ZFP36L2: variants seen among roughly 807,000 people sequenced by gnomAD.
The protein encoded by ZFP36L2 is mRNA decay activator protein ZFP36L2.
In ZFP36L2, 16 loss-of-function variants were observed where a neutral mutation model predicts 27.9. The observed-to-expected ratio is 0.57, with a 90% CI of 0.39 to 0.87. ZFP36L2 has a LOEUF of 0.87. Ranked by LOEUF, ZFP36L2 falls within the 40% of genes least tolerant of loss-of-function variation. The pLI is 0.00. For synonymous variants in ZFP36L2, 600 were observed against 363.8 expected (o/e 1.65, Z -7.39); for missense variants, 989 against 726.9 (o/e 1.36, Z -4.15).
rs1376718796 is a variant in ZFP36L2 at position 43,224,748 on chromosome 2, G to A, written c.1056C>T (p.Ala352=). ...DLLAPGAPCA[A]CSSASCANNA... is the part of the protein sequence containing the mutation. ...TGTTGGCGCACGAGGCCGACGAGCA[G>A]GCCGCGCACGGGGCCCCCGGCGCCA... The change falls in exon 2 of 2, where the codon GCC becomes GCT. Residue 352 remains alanine, a synonymous_variant. Coordinates refer to ENST00000282388, the MANE Select transcript of ZFP36L2 (RefSeq NM_006887.5). The A allele has an allele frequency of 6.0e-6, 9 of 1,509,156 alleles. No individual in the cohort carries two copies. Among genetic ancestry groups the A allele is most frequent in the African/African-American group, 1.4e-5 (1 of 69,602 alleles). The allele number at this position is 1,509,156 out of a possible 1,614,324, so 93.5% of individuals were successfully genotyped here.
In ZFP36L2 at chr2:43,226,463, A is replaced by G. The variant is rs1667108264; in HGVS notation, c.-148T>C. 9.9e-7 allele frequency: 1 copy of G among 1,011,880 alleles called. No individual in the cohort carries two copies. Among genetic ancestry groups the G allele is most frequent in the Admixed American group, 2.4e-5 (1 of 41,964 alleles). The allele number at this position is 1,011,880 out of a possible 1,614,324, so 62.7% of individuals were successfully genotyped here. ...TGCCGGGGGGCGAGAGGAGAGGGCG[A>G]GTGCAGCGGCGCGGGCCGGCGGGAG... On this transcript the variant is annotated 5_prime_UTR_variant, in exon 1 of 2. Coordinates refer to ENST00000282388, the MANE Select transcript of ZFP36L2 (RefSeq NM_006887.5).
At position 43,224,817 on chromosome 2, in the gene ZFP36L2, AGCCGCG is replaced by A. The variant is rs1162551037; in HGVS notation, c.981_986del (p.Ala331_Ala332del). The A allele has an allele frequency of 4.2e-6, 6 of 1,421,274 alleles. No individual in the cohort carries two copies. The highest frequency in any genetic ancestry group is 4.5e-6 in the Non-Finnish European group (5 of 1,101,242). The allele number at this position is 1,421,274 out of a possible 1,614,324, so 88.0% of individuals were successfully genotyped here. A position where few individuals can be genotyped will look rare whatever the true frequency, so the allele number is the denominator to read the frequency against. ...CGGTGCCGTACAGCAGAGCGGCCGC[AGCCGCG>A]GCCGCCGCGGAGGCGCAGCATGTCG... On this transcript the variant is annotated inframe_deletion, in exon 2 of 2. Coordinates refer to ENST00000282388, the MANE Select transcript of ZFP36L2 (RefSeq NM_006887.5).
chr2:43,226,174 G>T, intron 1 of ZFP36L2, 91 bp downstream of exon 1: 1 of 1,508,366 alleles, frequency 6.6e-7, no homozygotes, highest in South Asian at 1.2e-5. Flanking sequence ...TGAAAGGCAG[G>T]GCGGGAGGGG....
rs905614211 is a variant in ZFP36L2, at chr2:43,223,500, T to C, written c.*819A>G. Reference sequence around the variant, plus strand: ...GTTTTCATATTGAGTTGTGGTGCAGTGGTGCGAATCAACTCAAAACAGCTA... The same window carrying C: ...GTTTTCATATTGAGTTGTGGTGCAGCGGTGCGAATCAACTCAAAACAGCTA... On this transcript the variant is annotated 3_prime_UTR_variant, in exon 2 of 2. Coordinates refer to ENST00000282388, the MANE Select transcript of ZFP36L2 (RefSeq NM_006887.5). The C allele has an allele frequency of 6.6e-6, 1 of 152,522 alleles. No individual in the cohort carries two copies. The highest frequency in any genetic ancestry group is 1.9e-4 in the East Asian group (1 of 5,338). 9.4% of individuals were successfully genotyped at this position (152,522 alleles called of 1,614,324 possible).
rs758080997 is a variant in ZFP36L2 at position 43,224,712 on chromosome 2, G to A, written c.1092C>T (p.Ala364=). Residue 364 remains alanine (A), a synonymous_variant, in exon 2 of 2, where the codon GCC becomes GCT. Transcript: ENST00000282388. ...SSASCANNAF[A]FGPELSSLIT... Reference sequence around the variant, plus strand: ...TGAGGCTGCTGAGCTCCGGACCGAAGGCGAAGGCGTTGTTGGCGCACGAGG... The same window carrying A: ...TGAGGCTGCTGAGCTCCGGACCGAAAGCGAAGGCGTTGTTGGCGCACGAGG... 1.2e-4 allele frequency: 191 copies of A among 1,533,916 alleles called. 1 individual carries two copies. The East Asian group carries it at 3.5e-3, about 28-fold the overall frequency.
In ZFP36L2 at chr2:43,224,553, G is replaced by A. The variant is rs1443906900; in HGVS notation, c.1251C>T (p.Leu417=). The change falls in exon 2 of 2, where the codon CTC becomes CTT. Residue 417 remains leucine, a synonymous_variant. Transcript: ENST00000282388. ...AQPPAPPSAT[L]PAGAAAPPSP... ...AGGGAGGTGCGGCGGCCCCGGCGGG[G>A]AGGGTCGCGCTGGGCGGCGCCGGCG... 7.1e-7 allele frequency: 1 copy of A among 1,414,030 alleles called. No homozygotes were observed. Among genetic ancestry groups the A allele is most frequent in the African/African-American group, 1.5e-5 (1 of 66,954 alleles). The allele number at this position is 1,414,030 out of a possible 1,614,324, so 87.6% of individuals were successfully genotyped here. A position where few individuals can be genotyped will look rare whatever the true frequency, so the allele number is the denominator to read the frequency against.
Position 43,225,565 on chromosome 2 carries a change from C to T in ZFP36L2, c.239G>A (p.Gly80Asp), listed in dbSNP as rs1295232511. ...GCCGCAGCTGCTGCCGTTAGCGGCG[C>T]CCGGGAACTTGGGCGAGCAGCTGCC... Reference protein sequence around the residue: ...SPGSCSPKFPGAANGSSCGSA... With the variant: ...SPGSCSPKFPDAANGSSCGSA... Residue 80 changes from glycine (G) to aspartate (D), a missense_variant, in exon 2 of 2, where the codon GGC becomes GAC. Gly to Asp is a moderately conservative substitution (Grantham distance 94, BLOSUM62 -1). Coordinates refer to ENST00000282388, the MANE Select transcript of ZFP36L2 (RefSeq NM_006887.5). The T allele has an allele frequency of 1.3e-6, 2 of 1,569,632 alleles. No homozygotes were observed.
Position 43,226,513 on chromosome 2 carries a change from G to C in ZFP36L2, c.-198C>G, listed in dbSNP as rs888437252. The C allele has an allele frequency of 2.1e-4, 130 of 612,766 alleles. No individual in the cohort carries two copies. The East Asian group carries it at 4.1e-3, about 19-fold the overall frequency. 38.0% of individuals were successfully genotyped at this position (612,766 alleles called of 1,614,324 possible). Reference sequence around the variant, plus strand: ...GGGTCCGGCGGAGTGCGGCAGGGGGGAAGGAGAGAAGCGAGGAGCGCTCCT... The same window carrying C: ...GGGTCCGGCGGAGTGCGGCAGGGGGCAAGGAGAGAAGCGAGGAGCGCTCCT... On this transcript the variant is annotated 5_prime_UTR_variant, in exon 1 of 2. Transcript: ENST00000282388.
In ZFP36L2 at chr2:43,222,658, C is replaced by T. The variant is rs1666994220; in HGVS notation, c.*1661G>A. The T allele has an allele frequency of 1.3e-5, 2 of 152,244 alleles. No individual in the cohort carries two copies. The allele number at this position is 152,244 out of a possible 1,614,324, so 9.4% of individuals were successfully genotyped here. On this transcript the variant is annotated 3_prime_UTR_variant, in exon 2 of 2. Transcript: ENST00000282388. ...CAGGAAAGCTTAGGAGACATTCCTGCCTTTCTACATGGAAAAAAAAATAGT... is the reference window on the plus strand; with the variant it reads ...CAGGAAAGCTTAGGAGACATTCCTGTCTTTCTACATGGAAAAAAAAATAGT...
In ZFP36L2 at chr2:43,224,982, G is replaced by T. The variant is rs746491242; in HGVS notation, c.822C>A (p.Leu274=). 1 of 1,582,882 alleles carries T rather than the reference G, an allele frequency of 6.3e-7. No individual in the cohort carries two copies. The highest frequency in any genetic ancestry group is 2.3e-5 in the East Asian group (1 of 44,016). Residue 274 remains leucine (L), a synonymous_variant, in exon 2 of 2, where the codon CTC becomes CTA. Coordinates refer to ENST00000282388, the MANE Select transcript of ZFP36L2 (RefSeq NM_006887.5). ...PSGHHQPPGG[L]ESPLLLDSPT... The stretch of plus-strand genomic sequence containing the variant: ...GGCTGTCGAGCAGCAGCGGCGACTC[G>T]AGGCCGCCCGGGGGCTGATGGTGGC...
In ZFP36L2 at chr2:43,226,364, GAGC is replaced by G; in HGVS notation, c.-52_-50del. 6.4e-7 allele frequency: 1 copy of G among 1,554,942 alleles called. No homozygotes were observed. The highest frequency in any genetic ancestry group is 1.7e-4 in the Middle Eastern group (1 of 5,922). On this transcript the variant is annotated 5_prime_UTR_variant, in exon 1 of 2. Transcript: ENST00000282388. ...GAGCGGCAGGCCGGGAGGTCGGGAG[GAGC>G]CCTTGGGGCGGCGTGGCCGGGCTTG...
At position 43,225,114 on chromosome 2, in the gene ZFP36L2, G is replaced by C; in HGVS notation, c.690C>G (p.Ser230=). The change falls in exon 2 of 2, where the codon TCC becomes TCG. Residue 230 remains serine (S), a synonymous_variant. Transcript: ENST00000282388. ...ERRPAPSGGA[S]GDLRAFGTRD... The stretch of plus-strand genomic sequence containing the variant: ...GCGTGCCAAAGGCACGCAGGTCCCC[G>C]GAGGCGCCCCCCGACGGCGCGGGCC... The C allele has an allele frequency of 1.9e-6, 3 of 1,593,818 alleles. No homozygotes were observed. Among genetic ancestry groups the C allele is most frequent in the Non-Finnish European group, 2.5e-6 (3 of 1,177,596 alleles).
chr2:43,224,475 G>A lies in ZFP36L2; in HGVS notation c.1329C>T (p.Phe443=), dbSNP rs1268714226. The change falls in exon 2 of 2, where the codon TTC becomes TTT. Residue 443 remains phenylalanine (F), a synonymous_variant. Coordinates refer to ENST00000282388, the MANE Select transcript of ZFP36L2 (RefSeq NM_006887.5). ...LPRRLSDSPV[F]DAPPSPPDSL... is the part of the protein sequence containing the mutation. The stretch of plus-strand genomic sequence containing the variant: ...AGTCCGGGGGGCTGGGGGGCGCGTC[G>A]AACACGGGCGAGTCGGACAGGCGGC... 2.7e-6 allele frequency: 4 copies of A among 1,504,572 alleles called. No individual in the cohort carries two copies. Among genetic ancestry groups the A allele is most frequent in the African/African-American group, 1.4e-5 (1 of 69,256 alleles). The allele number at this position is 1,504,572 out of a possible 1,614,324, so 93.2% of individuals were successfully genotyped here. A position where few individuals can be genotyped will look rare whatever the true frequency, so the allele number is the denominator to read the frequency against.
rs1215743519 is a variant in ZFP36L2 at position 43,225,672 on chromosome 2, G to T, written c.132C>A (p.Pro44=). 2 of 1,591,790 alleles carry T rather than the reference G, an allele frequency of 1.3e-6. No homozygotes were observed. The highest frequency in any genetic ancestry group is 2.2e-5 in the South Asian group (2 of 90,386). ...KAVGTPVAAA[P]SSGFAPGFLR... is the part of the protein sequence containing the mutation. ...GGAATCCCGGCGCGAAGCCCGAGCT[G>T]GGGGCGGCGGCCACAGGCGTCCCCA... Residue 44 remains proline (P), a synonymous_variant, in exon 2 of 2, where the codon CCC becomes CCA. Transcript: ENST00000282388.
rs1553341999 is a variant in ZFP36L2, at chr2:43,225,350, T to G, written c.454A>C (p.Thr152Pro). 1 of 1,613,442 alleles carries G rather than the reference T, an allele frequency of 6.2e-7. No individual in the cohort carries two copies. The highest frequency in any genetic ancestry group is 8.5e-7 in the Non-Finnish European group (1 of 1,179,962). Residue 152 changes from threonine (T) to proline (P), a missense_variant, in exon 2 of 2, where the codon ACG becomes CCG. Transcript: ENST00000282388. ...CGGCACAGCTCGGTCTTGTAGCGCGTGGAGTTGATCTGGGAGCCGCCGCCC... is the reference window on the plus strand; with the variant it reads ...CGGCACAGCTCGGTCTTGTAGCGCGGGGAGTTGATCTGGGAGCCGCCGCCC... ...KGGGGSQINS[T>P]RYKTELCRPF...
At position 43,224,265 on chromosome 2, in the gene ZFP36L2, T is replaced by A. The variant is rs377227881; in HGVS notation, c.*54A>T. 1.4e-6 allele frequency: 2 copies of A among 1,460,132 alleles called. No homozygotes were observed. Among genetic ancestry groups the A allele is most frequent in the Admixed American group, 4.6e-5 (2 of 43,158 alleles). The allele number at this position is 1,460,132 out of a possible 1,614,324, so 90.4% of individuals were successfully genotyped here. ...AGCAAGGGCGAGATGGCGAGGGGTG[T>A]CCTCCAACATCTCTGAACCGCCTTC... is the stretch of plus-strand genomic sequence containing the variant. On this transcript the variant is annotated 3_prime_UTR_variant, in exon 2 of 2. Coordinates refer to ENST00000282388, the MANE Select transcript of ZFP36L2 (RefSeq NM_006887.5).
rs76867290 is a variant in ZFP36L2, at chr2:43,225,469, A to G, written c.335T>C (p.Leu112Pro). 1.6e-5 allele frequency: 26 copies of G among 1,611,646 alleles called. No homozygotes were observed. The highest frequency in any genetic ancestry group is 2.1e-5 in the Non-Finnish European group (25 of 1,179,200). The change falls in exon 2 of 2, where the codon CTG becomes CCG. Residue 112 changes from leucine (L) to proline (P), a missense_variant. Coordinates refer to ENST00000282388, the MANE Select transcript of ZFP36L2 (RefSeq NM_006887.5). Reference protein sequence around the residue: ...KEPSGGGGTALLNKENKFRDR... With the variant: ...KEPSGGGGTAPLNKENKFRDR... ...CCGGAATTTGTTCTCCTTGTTGAGC[A>G]GGGCTGTGCCGCCGCCCCCCGACGG...
At position 43,224,545 on chromosome 2, in the gene ZFP36L2, C is replaced by T; in HGVS notation, c.1259G>A (p.Gly420Glu). 7.0e-7 allele frequency: 1 copy of T among 1,436,062 alleles called. No individual in the cohort carries two copies. Among genetic ancestry groups the T allele is most frequent in the Non-Finnish European group, 9.1e-7 (1 of 1,099,146 alleles). The allele number at this position is 1,436,062 out of a possible 1,614,324, so 89.0% of individuals were successfully genotyped here. A position where few individuals can be genotyped will look rare whatever the true frequency, so the allele number is the denominator to read the frequency against. ...PAPPSATLPA[G>E]AAAPPSPPFS... ...GGGCGGCGAGGGAGGTGCGGCGGCC[C>T]CGGCGGGGAGGGTCGCGCTGGGCGG... Residue 420 changes from glycine (G) to glutamate (E), a missense_variant, in exon 2 of 2, where the codon GGG becomes GAG. By Grantham distance (98) the Gly-to-Glu change is moderately conservative. Transcript: ENST00000282388.
chr2:43,225,804 G>C (rs767001065), intron 1 of ZFP36L2, 52 bp from the exon 2 acceptor site: 83 of 1,514,760 alleles, frequency 5.5e-5, no homozygotes, highest in Non-Finnish European at 7.0e-5. Context: ...GGGGAAGACA[G>C]ACTCGGGGCG....
Sources: gnomAD v4.1 joint callset for allele counts on GRCh38, gnomAD v4.1.1 for gene constraint, MANE v1.5 for transcripts, NCBI Gene and HGNC (gene_info 2026-07-23, HGNC 2026-07-21) for gene names.